The following PTPRG variants were observed in gnomAD, a reference collection of about 807,000 sequenced individuals.
PTPRG encodes receptor-type tyrosine-protein phosphatase gamma.
A neutral mutation model predicts 165.3 loss-of-function variants in PTPRG; 102 were observed. The observed-to-expected ratio is 0.62, with a 90% CI of 0.53 to 0.73. The LOEUF (loss-of-function observed/expected upper bound fraction) is 0.73. Ranked by LOEUF, PTPRG falls within the 30% of genes least tolerant of loss-of-function variation. The pLI, the probability that PTPRG is intolerant of heterozygous loss-of-function variation, is 0.00. For missense variants in PTPRG, 1,866 were observed against 1,861.4 expected, an observed-to-expected ratio of 1.00 and a Z score of -0.05; for synonymous variants, 675 against 669.5, an observed-to-expected ratio of 1.01 and a Z score of -0.13.
intron 4 of PTPRG, among the ~76,000 whole-genome samples, chr3:62,014,411 G>A (rs963828642): frequency 3.9e-5 from 6 of 152,150 alleles, no homozygotes; most frequent in African/African-American, 1.4e-4. Flanking sequence ...CTTGAGTGTT[G>A]GAGGATGTCT....
intron 1 of PTPRG, among the ~76,000 whole-genome samples, chr3:61,677,232 G>A (rs1355292537): frequency 2.2e-5 from 3 of 138,444 alleles, no homozygotes; most frequent in Non-Finnish European, 3.0e-5. Context: ...GTGACAGAGC[G>A]AGACTCCGTC....
intron 1 of PTPRG, among the ~76,000 whole-genome samples, chr3:61,653,062 T>A (rs113913947): frequency 2.7e-3 from 403 of 152,054 alleles, no homozygotes; most frequent in African/African-American, 9.3e-3. Flanking sequence ...ACATATAAGA[T>A]AAGGGAAAAG....
At chr3:62,116,487 C>G (rs989725076) in intron 5 of PTPRG, among the ~76,000 whole-genome samples, 1 of 152,114 alleles carries the variant, frequency 6.6e-6, no homozygotes, top group East Asian at 1.9e-4. Flanking sequence ...GTATTCTCTA[C>G]AGTAATAAAA....
At chr3:61,840,570 C>T (rs1194635147) in intron 2 of PTPRG, among the ~76,000 whole-genome samples, 1 of 152,006 alleles carries the variant, frequency 6.6e-6, no homozygotes, top group Non-Finnish European at 1.5e-5. Context: ...TTGCTTTGGT[C>T]ATACTAATTT....
intron 4 of PTPRG, among the ~76,000 whole-genome samples, chr3:62,059,853 G>A (rs1425839860): frequency 1.3e-5 from 2 of 152,078 alleles, no homozygotes; most frequent in African/African-American, 2.4e-5. Context: ...GGGCTTTTCC[G>A]ACTTTTGTTT....
chr3:61,935,239 T>C (rs902471734), intron 2 of PTPRG, among the ~76,000 whole-genome samples: 1 of 152,194 alleles, frequency 6.6e-6, no homozygotes, highest in African/African-American at 2.4e-5. Flanking sequence ...TCCAGTTTGC[T>C]CATTTATTCT....
intron 2 of PTPRG, among the ~76,000 whole-genome samples, chr3:61,795,221 G>A (rs2035007207): frequency 1.3e-5 from 2 of 152,160 alleles, no homozygotes; most frequent in African/African-American, 4.8e-5. Context: ...GGTGATCTGA[G>A]TCTATTGCTC....
rs200692282 is a variant in PTPRG at position 62,257,344 on chromosome 3, CAG to C, written c.2559+2131_2559+2132del. Among the ~76,000 whole-genome samples the C allele has an allele frequency of 6.1e-3, 933 of 152,030 alleles. 9 individuals carry two copies. Among genetic ancestry groups the C allele is most frequent in the African/African-American group, 0.022 (907 of 41,468 alleles). On this transcript the variant is annotated intron_variant, in intron 16 of 29. Coordinates refer to ENST00000474889, the MANE Select transcript of PTPRG (RefSeq NM_002841.4). ...TAGTAACAGGCTTTATAAGAAAGGA[CAG>C]AAAAAGATTTTGTGTAATTAAAAAC...
rs184690397 is a variant in PTPRG, at chr3:61,677,934, A to G, written c.86-70944A>G. On this transcript the variant is annotated intron_variant, in intron 1 of 29. Transcript: ENST00000474889. ...GGTAGCTTGTGTACACCCCTTCCTC[A>G]TGAATTAAAATTTATGAAAGCTGTT... 2.1e-3 allele frequency among the ~76,000 whole-genome samples: 316 copies of G among 152,288 alleles called. 1 individual carries two copies. Among genetic ancestry groups the G allele is most frequent in the Middle Eastern group, 3.4e-3 (1 of 294 alleles).
At chr3:61,800,789 AC>A (rs1466285994) in intron 2 of PTPRG, among the ~76,000 whole-genome samples, 1 of 151,238 alleles carries the variant, frequency 6.6e-6, no homozygotes, top group Non-Finnish European at 1.5e-5. Flanking sequence ...GATTACAGGC[AC>A]CCGCCACCAC....
intron 5 of PTPRG, among the ~76,000 whole-genome samples, chr3:62,121,915 C>T (rs1187150727): frequency 6.6e-6 from 1 of 152,198 alleles, no homozygotes; most frequent in Admixed American, 6.5e-5. Context: ...TCAATCAAGG[C>T]CTGCCAGGAA....
intron 1 of PTPRG, among the ~76,000 whole-genome samples, chr3:61,610,785 C>T (rs997373581): frequency 7.1e-6 from 1 of 141,458 alleles, no homozygotes; most frequent in African/African-American, 2.6e-5. Context: ...CTCCCTCCCT[C>T]TCTCTCTCCA....
chr3:61,838,752 C>G (rs137891528), intron 2 of PTPRG, among the ~76,000 whole-genome samples: 10 of 152,198 alleles, frequency 6.6e-5, no homozygotes, highest in Admixed American at 1.3e-4. Context: ...TTACCACTCT[C>G]CCTGAGCTTT....
chr3:61,870,601 G>A (rs376823038), intron 2 of PTPRG, among the ~76,000 whole-genome samples: 10 of 134,988 alleles, frequency 7.4e-5, no homozygotes, highest in African/African-American at 2.8e-4. Flanking sequence ...GGCTGGCCTC[G>A]AACTCCTGAG....
chr3:62,066,135 C>T (rs959731400), intron 4 of PTPRG, among the ~76,000 whole-genome samples: 1 of 152,204 alleles, frequency 6.6e-6, no homozygotes, highest in African/African-American at 2.4e-5. Flanking sequence ...ACTAGATCTA[C>T]ACCTGTGTTA....
At chr3:62,028,505 G>A (rs1464899233) in intron 4 of PTPRG, among the ~76,000 whole-genome samples, 2 of 152,134 alleles carry the variant, frequency 1.3e-5, no homozygotes, top group Non-Finnish European at 1.5e-5. Context: ...GAGGTATTAC[G>A]ATTTCATTTC....
intron 4 of PTPRG, among the ~76,000 whole-genome samples, chr3:62,055,779 A>G (rs1700613351): frequency 6.6e-6 from 1 of 152,104 alleles, no homozygotes; most frequent in Non-Finnish European, 1.5e-5. Context: ...TTTGTGTGGC[A>G]TTCTCCTTGT....
intron 17 of PTPRG, among the ~76,000 whole-genome samples, chr3:62,267,092 C>T (rs1412149960): frequency 6.6e-6 from 1 of 151,902 alleles, no homozygotes; most frequent in Non-Finnish European, 1.5e-5. Flanking sequence ...GGAACAGGGG[C>T]ATAGGGCATA....
At chr3:61,622,758 G>A (rs1296779834) in intron 1 of PTPRG, among the ~76,000 whole-genome samples, 1 of 152,098 alleles carries the variant, frequency 6.6e-6, no homozygotes, top group African/African-American at 2.4e-5. Context: ...TGTATAAATT[G>A]TGTAAATTAC....
Sources: allele counts gnomAD v4.1 joint callset (sites outside exome capture counted in the v4.1 genomes callset), GRCh38; gene constraint gnomAD v4.1.1; transcripts MANE v1.5; gene names NCBI Gene and HGNC (gene_info 2026-07-23, HGNC 2026-07-21).